OPRM1: variants seen among roughly 807,000 people sequenced by gnomAD.
The protein encoded by OPRM1 is opioid receptor mu 1.
A neutral mutation model predicts 31.8 loss-of-function variants in OPRM1; 27 were observed. The observed-to-expected ratio is 0.85, with a 90% CI of 0.63 to 1.17. The LOEUF is 1.17. OPRM1 is among the 50% of genes most tolerant of loss of function. OPRM1 has a pLI of 0.00. For missense variants in OPRM1, 536 were observed against 511.1 expected (o/e 1.05, Z -0.47); for synonymous variants, 196 against 189.9 (o/e 1.03, Z -0.26).
intron 3 of OPRM1, among the ~76,000 whole-genome samples, chr6:154,096,643 A>G (rs1793441962): frequency 6.6e-6 from 1 of 152,148 alleles, no homozygotes. Context: ...TCTGCTTCCT[A>G]TAACAACTCT....
chr6:154,185,727 T>C (rs1801281202), intron 3 of OPRM1, among the ~76,000 whole-genome samples: 1 of 152,214 alleles, frequency 6.6e-6, no homozygotes, highest in Admixed American at 6.5e-5. Flanking sequence ...AGAAGAACTG[T>C]CTTGGGCTAC....
At position 154,087,437 on chromosome 6, in the gene OPRM1, G is replaced by A. The variant is rs1583460328; in HGVS notation, c.291-2389G>A. 2 of 985,452 alleles carry A rather than the reference G, an allele frequency of 2.0e-6. No individual in the cohort carries two copies. Among genetic ancestry groups the A allele is most frequent in the South Asian group, 9.4e-5 (2 of 21,288 alleles). 61.0% of individuals were successfully genotyped at this position (985,452 alleles called of 1,614,324 possible). On this transcript the variant is annotated intron_variant, in intron 1 of 3. Coordinates refer to ENST00000330432, the MANE Select transcript of OPRM1 (RefSeq NM_000914.5). ...AGCTAACATTTAAAAGGAATTGATG[G>A]CACCGTGTAAATCAGAAGCCCAAGG... is the stretch of plus-strand genomic sequence containing the variant.
chr6:154,180,414 A>ATATATATTTTTTTT (rs1241250621), intron 3 of OPRM1, among the ~76,000 whole-genome samples: 2 of 65,264 alleles, frequency 3.1e-5, no homozygotes, highest in African/African-American at 9.6e-5. Flanking sequence ...ATATATATAT[A>ATATATATTTTTTTT]TTTTTTTTTT....
At position 154,162,001 on chromosome 6, in the gene OPRM1, GCTATCTCT is replaced by G. The variant is rs553585051; in HGVS notation, c.1164+70530_1164+70537del. On this transcript the variant is annotated intron_variant, in intron 3 of 3. Coordinates refer to the OPRM1 transcript ENST00000337049. ...ATCCTCACTCGCAGCTGATGGCCTT[GCTATCTCT>G]TTGTTGAGGAAATGGAAGCCATCAG... Among the ~76,000 whole-genome samples the G allele has an allele frequency of 2.0e-5, 3 of 152,248 alleles. No homozygotes were observed. The South Asian group carries it at 6.2e-4, about 32-fold the overall frequency.
At chr6:154,242,012 A>T (rs1469744401) in intron 3 of OPRM1, among the ~76,000 whole-genome samples, 7 of 152,220 alleles carry the variant, frequency 4.6e-5, no homozygotes, top group Non-Finnish European at 1.5e-5. Flanking sequence ...ACTTTGAGCA[A>T]GTTACTTAAA....
chr6:154,183,343 T>C (rs913628780), intron 3 of OPRM1, among the ~76,000 whole-genome samples: 2 of 152,238 alleles, frequency 1.3e-5, no homozygotes, highest in Admixed American at 1.3e-4. Context: ...TACTGCAATC[T>C]ATGTACTTGC....
intron 3 of OPRM1, among the ~76,000 whole-genome samples, chr6:154,097,897 T>C (rs1462324626): frequency 6.6e-6 from 1 of 152,150 alleles, no homozygotes; most frequent in Non-Finnish European, 1.5e-5. Context: ...AGGAAACTAA[T>C]GTTTAAGGAA....
At chr6:154,097,908 G>T (rs1268719888) in intron 3 of OPRM1, among the ~76,000 whole-genome samples, 1 of 152,092 alleles carries the variant, frequency 6.6e-6, no homozygotes, top group Non-Finnish European at 1.5e-5. Flanking sequence ...GTTTAAGGAA[G>T]TAACTTGCCC....
At chr6:154,025,796 C>A (rs1778661258) in intron 1 of OPRM1, among the ~76,000 whole-genome samples, 1 of 152,094 alleles carries the variant, frequency 6.6e-6, no homozygotes, top group African/African-American at 2.4e-5. Context: ...CATAAACAAA[C>A]AAACAGGTAA....
chr6:154,016,170 A>G (rs1415017974), intron 1 of OPRM1, among the ~76,000 whole-genome samples: 2 of 152,220 alleles, frequency 1.3e-5, no homozygotes. Flanking sequence ...ACTCCTGTTT[A>G]GAACAGCAAA....
Position 154,074,835 on chromosome 6 carries a change from A to G in OPRM1, c.291-14991A>G, listed in dbSNP as rs1011537840. Among the ~76,000 whole-genome samples the G allele has an allele frequency of 4.5e-4, 69 of 152,132 alleles. 1 individual carries two copies. The highest frequency in any genetic ancestry group is 1.3e-4 in the Non-Finnish European group (9 of 68,008). On this transcript the variant is annotated intron_variant, in intron 1 of 3. Coordinates refer to ENST00000330432, the MANE Select transcript of OPRM1 (RefSeq NM_000914.5). ...AGAAAATGGGATGGAAATGGAGAGT[A>G]TGAAGAAACACAAAAGATACTAGAA... is the stretch of plus-strand genomic sequence containing the variant.
chr6:154,093,310 A>G (rs1792708711), intron 3 of OPRM1: 1 of 1,613,676 alleles, frequency 6.2e-7, no homozygotes, highest in Admixed American at 1.7e-5. Context: ...GCTCTAGAGC[A>G]AGGCTGCTTG....
intron 3 of OPRM1, among the ~76,000 whole-genome samples, chr6:154,205,591 G>A (rs1423723633): frequency 6.6e-6 from 1 of 152,044 alleles, no homozygotes; most frequent in Non-Finnish European, 1.5e-5. Flanking sequence ...GTAAGACTCT[G>A]TTTCAAAATA....
At chr6:154,150,161 A>G (rs1159017651) in intron 3 of OPRM1, among the ~76,000 whole-genome samples, 1 of 152,126 alleles carries the variant, frequency 6.6e-6, no homozygotes, top group Non-Finnish European at 1.5e-5. Flanking sequence ...TTGGGACACC[A>G]TTTTCCAGGC....
chr6:154,118,808 T>C lies in OPRM1; in HGVS notation c.*87T>C, dbSNP rs898727118. 1.7e-5 allele frequency: 26 copies of C among 1,573,364 alleles called. No individual in the cohort carries two copies. The African/African-American group carries it at 3.1e-4, about 19-fold the overall frequency. Reference sequence around the variant, plus strand: ...GTTGCTTCAAGAATGTGTAGGAGGCTCTAATTCTCTAGGAAAGTGCCTGCT... The same window carrying C: ...GTTGCTTCAAGAATGTGTAGGAGGCCCTAATTCTCTAGGAAAGTGCCTGCT... On this transcript the variant is annotated 3_prime_UTR_variant, in exon 4 of 4. Transcript: ENST00000330432.
chr6:154,207,988 G>C (rs1436323293), intron 3 of OPRM1, among the ~76,000 whole-genome samples: 1 of 152,086 alleles, frequency 6.6e-6, no homozygotes, highest in Non-Finnish European at 1.5e-5. Context: ...TGGAATCGCT[G>C]CCATCTTTTG....
chr6:154,075,150 G>C (rs1365858868), intron 1 of OPRM1, among the ~76,000 whole-genome samples: 1 of 152,062 alleles, frequency 6.6e-6, no homozygotes, highest in Non-Finnish European at 1.5e-5. Flanking sequence ...CAACACACTT[G>C]GCACAAAGAA....
chr6:154,107,567 A>C (rs650245), intron 3 of OPRM1: 1 of 718,448 alleles, frequency 1.4e-6, no homozygotes, highest in South Asian at 1.5e-5. Context: ...AGTCTAGAGC[A>C]TTAATTTTGA....
At chr6:154,141,629 A>T (rs1798214341) in intron 3 of OPRM1, among the ~76,000 whole-genome samples, 1 of 152,232 alleles carries the variant, frequency 6.6e-6, no homozygotes, top group Non-Finnish European at 1.5e-5. Flanking sequence ...GGGAGACGTG[A>T]GACATCAATC....
Sources: gnomAD v4.1 joint callset for allele counts (sites outside exome capture counted in the v4.1 genomes callset) on GRCh38, gnomAD v4.1.1 for gene constraint, MANE v1.5 for transcripts, NCBI Gene and HGNC (gene_info 2026-07-23, HGNC 2026-07-21) for gene names.